The following GRIK2 variants were observed in gnomAD, a reference collection of about 807,000 sequenced individuals.
GRIK2 encodes the protein glutamate receptor ionotropic, kainate 2.
Under a neutral mutation model 100.3 loss-of-function variants are expected in GRIK2, and 32 were observed. That is an observed-to-expected ratio of 0.32 (90% CI 0.24 to 0.43). The LOEUF is 0.43. GRIK2 is among the 20% of genes least tolerant of loss of function. GRIK2 has a pLI of 1.00. For missense variants in GRIK2, 843 were observed against 1,114.9 expected (o/e 0.76, Z 3.47); for synonymous variants, 417 against 389.4 (o/e 1.07, Z -0.83).
chr6:101,577,480 A>G (rs1195267587), intron 2 of GRIK2, among the ~76,000 whole-genome samples: 1 of 152,110 alleles, frequency 6.6e-6, no homozygotes, highest in Non-Finnish European at 1.5e-5. Context: ...CTAAATAAGA[A>G]AATAATCTGT....
At chr6:101,838,312 G>T (rs1783271005) in intron 10 of GRIK2, among the ~76,000 whole-genome samples, 1 of 152,084 alleles carries the variant, frequency 6.6e-6, no homozygotes. Context: ...TTTTGCTCTT[G>T]TTAATCTGTA....
intron 2 of GRIK2, among the ~76,000 whole-genome samples, chr6:101,493,513 T>A (rs567590968): frequency 1.3e-5 from 2 of 152,208 alleles, no homozygotes; most frequent in African/African-American, 4.8e-5. Context: ...ATAATCAAAA[T>A]TATTTTTCAA....
At chr6:101,607,323 A>G (rs990380288) in intron 2 of GRIK2, among the ~76,000 whole-genome samples, 2 of 152,004 alleles carry the variant, frequency 1.3e-5, no homozygotes, top group African/African-American at 4.8e-5. Context: ...TTGTAATTAT[A>G]TAAACATGTA....
At chr6:101,490,349 G>A (rs1270703102) in intron 2 of GRIK2, among the ~76,000 whole-genome samples, 1 of 146,586 alleles carries the variant, frequency 6.8e-6, no homozygotes, top group Non-Finnish European at 1.5e-5. Flanking sequence ...CTTCTCCAAA[G>A]ATATGGAGCC....
chr6:101,740,027 T>A lies in GRIK2; in HGVS notation c.951+53674T>A, dbSNP rs1775920421. ...GATTTATCCCCTGCCCTCCGCAGAA[T>A]CAACTTTGCTCTCTGGGAATGATAT... On this transcript the variant is annotated intron_variant, in intron 7 of 16. Transcript: ENST00000369134. Among the ~76,000 whole-genome samples the A allele has an allele frequency of 3.3e-5, 5 of 152,150 alleles. No individual in the cohort carries two copies. The South Asian group carries it at 1.0e-3, about 32-fold the overall frequency.
At chr6:101,673,509 C>A (rs1246291796) in intron 4 of GRIK2, among the ~76,000 whole-genome samples, 1 of 152,164 alleles carries the variant, frequency 6.6e-6, no homozygotes, top group Non-Finnish European at 1.5e-5. Flanking sequence ...GTGCTTGCAT[C>A]TACAGCTGGG....
chr6:101,693,680 T>A (rs1483111842), intron 7 of GRIK2, among the ~76,000 whole-genome samples: 1 of 151,862 alleles, frequency 6.6e-6, no homozygotes, highest in African/African-American at 2.4e-5. Flanking sequence ...CTTTTAGGGG[T>A]GGCAAATTGT....
At chr6:101,608,223 C>G (rs1016817423) in intron 2 of GRIK2, among the ~76,000 whole-genome samples, 2 of 151,740 alleles carry the variant, frequency 1.3e-5, no homozygotes, top group Non-Finnish European at 2.9e-5. Flanking sequence ...TCTTTAATCA[C>G]TATACAATAT....
At chr6:101,893,089 C>G (rs1375138953) in intron 12 of GRIK2, among the ~76,000 whole-genome samples, 1 of 151,134 alleles carries the variant, frequency 6.6e-6, no homozygotes, top group Non-Finnish European at 1.5e-5. Context: ...AATGGAATCA[C>G]TATCTGTTAG....
intron 12 of GRIK2, among the ~76,000 whole-genome samples, chr6:101,909,571 C>T (rs569636925): frequency 4.0e-5 from 6 of 150,432 alleles, no homozygotes; most frequent in South Asian, 2.1e-4. Context: ...GGCCTTCTTT[C>T]GTGAGCACAT....
intron 14 of GRIK2, among the ~76,000 whole-genome samples, chr6:101,937,113 T>C (rs775139863): frequency 6.6e-6 from 1 of 152,150 alleles, no homozygotes; most frequent in Non-Finnish European, 1.5e-5. Flanking sequence ...TTAACGCAGC[T>C]TTGGGCGCTT....
intron 10 of GRIK2, among the ~76,000 whole-genome samples, chr6:101,851,284 G>A (rs746633194): frequency 2.0e-5 from 3 of 151,948 alleles, no homozygotes; most frequent in Non-Finnish European, 4.4e-5. Context: ...AGGCTAGTAG[G>A]ACAAGTTAGA....
At chr6:101,420,085 G>A (rs887717329) in intron 2 of GRIK2, among the ~76,000 whole-genome samples, 3 of 152,186 alleles carry the variant, frequency 2.0e-5, no homozygotes, top group East Asian at 1.9e-4. Context: ...ATATCTGACA[G>A]ATGGCAGGTA....
chr6:101,641,514 G>T lies in GRIK2; in HGVS notation c.541+14877G>T, dbSNP rs559301465. The stretch of plus-strand genomic sequence containing the variant: ...TGTCTTGCTGGCATATTGAGAGACC[G>T]AAAATTACAAATGATGAGCTTTTTT... On this transcript the variant is annotated intron_variant, in intron 4 of 16. Transcript: ENST00000369134. 1.2e-3 allele frequency among the ~76,000 whole-genome samples: 176 copies of T among 152,004 alleles called. 1 individual carries two copies. Among genetic ancestry groups the T allele is most frequent in the African/African-American group, 3.9e-3 (164 of 41,530 alleles).
intron 4 of GRIK2, among the ~76,000 whole-genome samples, chr6:101,637,599 G>A (rs144130587): frequency 1.4e-3 from 209 of 152,246 alleles, no homozygotes; most frequent in African/African-American, 4.8e-3. Flanking sequence ...ATTTAAATGT[G>A]TCTACCTGAC....
At chr6:101,551,030 G>A (rs187840152) in intron 2 of GRIK2, among the ~76,000 whole-genome samples, 296 of 152,156 alleles carry the variant, frequency 1.9e-3, no homozygotes, top group Non-Finnish European at 2.1e-3. Flanking sequence ...CTCACCTAAG[G>A]CTCACCTCAT....
At chr6:101,678,772 T>G (rs909075420) in intron 5 of GRIK2, among the ~76,000 whole-genome samples, 1 of 152,238 alleles carries the variant, frequency 6.6e-6, no homozygotes, top group Non-Finnish European at 1.5e-5. Context: ...CATCCAAGAA[T>G]GAATAATAGG....
chr6:101,543,119 C>T (rs1457129547), intron 2 of GRIK2, among the ~76,000 whole-genome samples: 1 of 152,044 alleles, frequency 6.6e-6, no homozygotes, highest in Non-Finnish European at 1.5e-5. Context: ...AAAGGACAAA[C>T]CCAGAAAATG....
chr6:101,476,445 G>A (rs1366930224), intron 2 of GRIK2, among the ~76,000 whole-genome samples: 2 of 152,112 alleles, frequency 1.3e-5, no homozygotes. Flanking sequence ...CAAACGGACA[G>A]CTAGCTGAGA....
Sources: gnomAD v4.1 joint callset for allele counts (sites outside exome capture counted in the v4.1 genomes callset) on GRCh38, gnomAD v4.1.1 for gene constraint, MANE v1.5 for transcripts, NCBI Gene and HGNC (gene_info 2026-07-23, HGNC 2026-07-21) for gene names.